Variants in KLHL6 observed in about 807,000 individuals in gnomAD.
KLHL6 encodes kelch-like protein 6.
Under a neutral mutation model 58.6 loss-of-function variants are expected in KLHL6, and 41 were observed. The ratio of observed to expected loss-of-function variants is 0.70; its 90% CI spans 0.55 to 0.91. KLHL6 has a LOEUF of 0.91. Ranked by LOEUF, KLHL6 falls within the 40% of genes least tolerant of loss-of-function variation. KLHL6 has a pLI of 0.00. For missense variants in KLHL6, 714 were observed against 805.6 expected, an observed-to-expected ratio of 0.89 and a Z score of 1.38; for synonymous variants, 338 against 322.7, an observed-to-expected ratio of 1.05 and a Z score of -0.51.
intron 1 of KLHL6, among the ~76,000 whole-genome samples, chr3:183,550,503 A>G (rs988434923): frequency 6.6e-6 from 1 of 152,158 alleles, no homozygotes; most frequent in Admixed American, 6.5e-5. Context: ...TTTAAAATCA[A>G]AGAAAGGCCA....
chr3:183,527,853 G>C lies in KLHL6; in HGVS notation c.451C>G (p.Leu151Val). Residue 151 changes from leucine to valine, a missense_variant, in exon 2 of 7, where the codon CTC becomes GTC. Coordinates refer to ENST00000341319, the MANE Select transcript of KLHL6 (RefSeq NM_130446.4). ...CCAGTTTGTTCACACACCTGGAAGA[G>C]GTTAGCAGCCTCCAGGACCCGCTGG... Reference protein sequence around the residue: ...NVQRVLEAANLFQFLRMVDAC... With the variant: ...NVQRVLEAANVFQFLRMVDAC... 1.2e-6 allele frequency: 2 copies of C among 1,613,954 alleles called. No individual in the cohort carries two copies. The highest frequency in any genetic ancestry group is 1.7e-6 in the Non-Finnish European group (2 of 1,179,958).
At chr3:183,545,453 T>A (rs1712687256) in intron 1 of KLHL6, among the ~76,000 whole-genome samples, 1 of 152,210 alleles carries the variant, frequency 6.6e-6, no homozygotes, top group Non-Finnish European at 1.5e-5. Flanking sequence ...GAGCTATGAA[T>A]GATGAAAATA....
intron 2 of KLHL6, among the ~76,000 whole-genome samples, chr3:183,516,020 T>C (rs1711548845): frequency 1.3e-5 from 2 of 152,370 alleles, no homozygotes; most frequent in South Asian, 2.1e-4. Context: ...CAAAGAGCGA[T>C]GCAAGTTCAC....
chr3:183,529,795 G>A (rs12106670), intron 1 of KLHL6, among the ~76,000 whole-genome samples: 9,988 of 151,390 alleles, frequency 0.066, 1,027 homozygotes, highest in African/African-American at 0.23. Flanking sequence ...AAAAAAAAAA[G>A]AAAGAAAGAA....
At chr3:183,526,984 A>T (rs1468787750) in intron 2 of KLHL6, among the ~76,000 whole-genome samples, 1 of 152,070 alleles carries the variant, frequency 6.6e-6, no homozygotes, top group Non-Finnish European at 1.5e-5. Flanking sequence ...CTGTAGTCCC[A>T]GCTACTTGGG....
chr3:183,525,268 A>AC (rs56328589), intron 2 of KLHL6, among the ~76,000 whole-genome samples: 4,459 of 149,804 alleles, frequency 0.03, 75 homozygotes, highest in African/African-American at 0.033. Flanking sequence ...TCTAAAAAAA[A>AC]AACACACACA....
chr3:183,518,985 G>T (rs1241176188), intron 2 of KLHL6, among the ~76,000 whole-genome samples: 1 of 152,212 alleles, frequency 6.6e-6, no homozygotes, highest in East Asian at 1.9e-4. Context: ...TGAGGGGGAT[G>T]CTAAACGTCC....
chr3:183,543,449 A>G (rs1712619682), intron 1 of KLHL6, among the ~76,000 whole-genome samples: 2 of 152,186 alleles, frequency 1.3e-5, no homozygotes, highest in Non-Finnish European at 1.5e-5. Flanking sequence ...CCACCTGCTA[A>G]TGAGACAGAC....
chr3:183,506,705 G>A (rs943565108), intron 3 of KLHL6, among the ~76,000 whole-genome samples: 3 of 151,994 alleles, frequency 2.0e-5, no homozygotes, highest in African/African-American at 2.4e-5. Flanking sequence ...GCACATGCCT[G>A]TACTCCCAGC....
chr3:183,492,045 G>T lies in KLHL6; in HGVS notation c.1748C>A (p.Ala583Asp), dbSNP rs757004264. The change falls in exon 7 of 7, where the codon GCC becomes GAC. Residue 583 changes from alanine to aspartate, a missense_variant. By Grantham distance (126) the Ala-to-Asp change is moderately radical. Coordinates refer to ENST00000341319, the MANE Select transcript of KLHL6 (RefSeq NM_130446.4). The surrounding 1 kb of genome is among the most constrained non-coding windows in gnomAD (Gnocchi z 5.9). ...GACGCACTCCTCTGTCAGTTTCTGG[G>T]CCTCGGGGTCCCAGCACAGCACCGT... ...IATVLCWDPE[A>D]QKLTEECVLP... 1.2e-6 allele frequency: 2 copies of T among 1,613,930 alleles called. No homozygotes were observed. Among genetic ancestry groups the T allele is most frequent in the Non-Finnish European group, 1.7e-6 (2 of 1,179,958 alleles).
intron 1 of KLHL6, among the ~76,000 whole-genome samples, chr3:183,555,105 C>T (rs1577209161): frequency 6.6e-6 from 1 of 151,924 alleles, no homozygotes; most frequent in Admixed American, 6.6e-5. Flanking sequence ...GCAGAGGTTG[C>T]GGTGAACCGA....
intron 2 of KLHL6, among the ~76,000 whole-genome samples, chr3:183,514,878 C>A (rs1013605703): frequency 6.6e-6 from 1 of 152,076 alleles, no homozygotes; most frequent in Non-Finnish European, 1.5e-5. Context: ...CCATGTTGGC[C>A]ATTCTGGTCT....
intron 1 of KLHL6, among the ~76,000 whole-genome samples, chr3:183,529,247 T>C (rs1335902027): frequency 1.3e-5 from 2 of 151,968 alleles, no homozygotes; most frequent in African/African-American, 4.8e-5. Context: ...CAACTCCCCA[T>C]GACATAAGTT....
chr3:183,533,951 C>T (rs1260335851), intron 1 of KLHL6, among the ~76,000 whole-genome samples: 4 of 151,670 alleles, frequency 2.6e-5, no homozygotes, highest in Admixed American at 6.6e-5. Flanking sequence ...AAGAAATCCC[C>T]GCCCAGAGCT....
intron 2 of KLHL6, among the ~76,000 whole-genome samples, chr3:183,526,952 A>C (rs1711992476): frequency 6.6e-6 from 1 of 152,186 alleles, no homozygotes; most frequent in South Asian, 2.1e-4. Flanking sequence ...TACAAAAATC[A>C]TCTGGGCTTG....
At chr3:183,528,142 C>G (rs937936056) in intron 1 of KLHL6, 132 bp from the exon 2 acceptor site, 2 of 918,566 alleles carry the variant, frequency 2.2e-6, no homozygotes, top group South Asian at 3.1e-5. Flanking sequence ...GCTGGTGGCT[C>G]TCTGTTCTCC....
At chr3:183,508,532 AG>A (rs1256705982) in intron 2 of KLHL6, 24 bp from the exon 3 acceptor site, 9 of 1,598,138 alleles carry the variant, frequency 5.6e-6, no homozygotes. Context: ...AAGGGTGGAA[AG>A]GAGGCCAGAA....
At chr3:183,537,527 T>C in intron 1 of KLHL6, among the ~76,000 whole-genome samples, 1 of 152,110 alleles carries the variant, frequency 6.6e-6, no homozygotes, top group East Asian at 1.9e-4. Flanking sequence ...GCAGAAACAA[T>C]CTCACAGCAG....
intron 4 of KLHL6, among the ~76,000 whole-genome samples, chr3:183,494,837 C>G (rs1378099431): frequency 6.6e-6 from 1 of 152,188 alleles, no homozygotes; most frequent in Non-Finnish European, 1.5e-5. Context: ...GGGATTTATC[C>G]TATTTCTAAA....
Sources: gnomAD v4.1 joint callset for allele counts (sites outside exome capture counted in the v4.1 genomes callset) on GRCh38, gnomAD v4.1.1 for gene constraint, Gnocchi (gnomAD v3.1) non-coding constraint, MANE v1.5 for transcripts, NCBI Gene and HGNC (gene_info 2026-07-23, HGNC 2026-07-21) for gene names.